Variants in RARG observed in about 807,000 individuals in gnomAD.
The protein encoded by RARG is retinoic acid receptor gamma, also known as RAR-gamma.
In RARG, 17 loss-of-function variants were observed where a neutral mutation model predicts 43.7. The observed-to-expected ratio is 0.39, with a 90% CI of 0.27 to 0.58. RARG has a LOEUF of 0.58. Among genes scored for constraint, RARG ranks in the 20% least tolerant of loss-of-function variants. RARG has a pLI of 0.57. For synonymous variants in RARG, 238 were observed against 236.4 expected (o/e 1.01, Z -0.06); for missense variants, 346 against 598.7 (o/e 0.58, Z 4.40).
In RARG at chr12:53,232,074, G is replaced by T. The variant is rs969700835; in HGVS notation, c.-310C>A. On this transcript the variant is annotated 5_prime_UTR_variant, in exon 1 of 10. Transcript: ENST00000425354. The stretch of plus-strand genomic sequence containing the variant: ...CAATGTCCGGGGCTCGCCGTACTGG[G>T]GGGCTCCTGGGGGGGCACGGCTCTA... The T allele has an allele frequency of 7.5e-6, 3 of 398,464 alleles. No homozygotes were observed. The highest frequency in any genetic ancestry group is 8.8e-6 in the Non-Finnish European group (2 of 226,048). 24.7% of individuals were successfully genotyped at this position (398,464 alleles called of 1,614,324 possible). A position where few individuals can be genotyped will look rare whatever the true frequency, so the allele number is the denominator to read the frequency against.
chr12:53,229,577 AG>A (rs1273658687), intron 2 of RARG, among the ~76,000 whole-genome samples: 2 of 152,154 alleles, frequency 1.3e-5, no homozygotes, highest in Non-Finnish European at 2.9e-5. Context: ...CCAAGCCTCC[AG>A]GGTCCCTCTC....
chr12:53,231,713 CA>C (rs1943239725), intron 1 of RARG, among the ~76,000 whole-genome samples: 1 of 152,244 alleles, frequency 6.6e-6, no homozygotes, highest in Non-Finnish European at 1.5e-5. Context: ...AAGACTTCCC[CA>C]AATGCTGTCC....
intron 3 of RARG, among the ~76,000 whole-genome samples, chr12:53,217,037 C>T (rs2120646239): frequency 6.6e-6 from 1 of 152,226 alleles, no homozygotes; most frequent in East Asian, 1.9e-4. Context: ...TGCAGCCCAC[C>T]TGGTCAGAAG....
At chr12:53,217,336 C>T (rs1467112497) in intron 3 of RARG, among the ~76,000 whole-genome samples, 1 of 152,190 alleles carries the variant, frequency 6.6e-6, no homozygotes, top group Non-Finnish European at 1.5e-5. Context: ...CTCCTCACTC[C>T]TCAGACCCAC....
Position 53,211,582 on chromosome 12 carries a change from G to A in RARG, c.*94C>T, listed in dbSNP as rs1193566706. 13 of 1,192,808 alleles carry A rather than the reference G, an allele frequency of 1.1e-5. No individual in the cohort carries two copies. Among genetic ancestry groups the A allele is most frequent in the Middle Eastern group, 2.9e-4 (1 of 3,420 alleles). 73.9% of individuals were successfully genotyped at this position (1,192,808 alleles called of 1,614,324 possible). On this transcript the variant is annotated 3_prime_UTR_variant, in exon 10 of 10. Transcript: ENST00000425354. The surrounding 1 kb of genome is among the most constrained non-coding windows in gnomAD (Gnocchi z 4.6). ...CATTGGAAGGGGTGGGGAGAGGGCA[G>A]AGCAGGTCCTCCCCCAGTCACTGGC...
chr12:53,228,837 G>A (rs11170487), intron 2 of RARG, among the ~76,000 whole-genome samples: 1 of 152,320 alleles, frequency 6.6e-6, no homozygotes, highest in Admixed American at 6.5e-5. Flanking sequence ...GCCTCTCAAA[G>A]TGCTGGGATT....
chr12:53,226,930 ACAGAG>A (rs1448337088), intron 3 of RARG, among the ~76,000 whole-genome samples: 1 of 152,052 alleles, frequency 6.6e-6, no homozygotes, highest in East Asian at 1.9e-4. Flanking sequence ...CCTCTTGATC[ACAGAG>A]CCAGGTGACT....
chr12:53,229,378 ACCTTGG>A (rs1474317825), intron 2 of RARG, among the ~76,000 whole-genome samples: 2 of 151,758 alleles, frequency 1.3e-5, no homozygotes, highest in African/African-American at 2.4e-5. Context: ...TCTCTCCTCT[ACCTTGG>A]CCTTCAAGCC....
Position 53,213,946 on chromosome 12 carries a change from C to T in RARG, c.813+113G>A. 2.3e-6 allele frequency: 3 copies of T among 1,293,276 alleles called. No homozygotes were observed. The highest frequency in any genetic ancestry group is 3.2e-6 in the Non-Finnish European group (3 of 927,066). The allele number at this position is 1,293,276 out of a possible 1,614,324, so 80.1% of individuals were successfully genotyped here. ...TAAGACGAAAAGAGAGCTGAGGAGTCCCACATGTGTGGCAGGGGGTGCAGG... is the reference window on the plus strand; with the variant it reads ...TAAGACGAAAAGAGAGCTGAGGAGTTCCACATGTGTGGCAGGGGGTGCAGG... On this transcript the variant is annotated intron_variant, in intron 7 of 9. Transcript: ENST00000425354. The surrounding 1 kb of genome is among the most constrained non-coding windows in gnomAD (Gnocchi z 4.7).
intron 3 of RARG, among the ~76,000 whole-genome samples, chr12:53,223,883 G>A (rs555493867): frequency 6.6e-6 from 1 of 152,266 alleles, no homozygotes; most frequent in South Asian, 2.1e-4. Flanking sequence ...TTGCCCCAGG[G>A]ACAGTGGCCC....
chr12:53,230,834 TGC>T (rs1340407332), intron 2 of RARG, among the ~76,000 whole-genome samples: 37 of 128,214 alleles, frequency 2.9e-4, no homozygotes, highest in Non-Finnish European at 4.6e-4. Context: ...TAGGCCACAG[TGC>T]GTGTGTGTGT....
chr12:53,216,755 A>G (rs1195646430), intron 3 of RARG, among the ~76,000 whole-genome samples: 1 of 151,972 alleles, frequency 6.6e-6, no homozygotes, highest in Non-Finnish European at 1.5e-5. Context: ...ATTGCAGCTC[A>G]AAAGGGGTCT....
At chr12:53,223,066 G>T in intron 3 of RARG, among the ~76,000 whole-genome samples, 1 of 152,060 alleles carries the variant, frequency 6.6e-6, no homozygotes, top group Non-Finnish European at 1.5e-5. Context: ...ATTCTTTCGG[G>T]GTCACCCCTT....
Position 53,227,808 on chromosome 12 carries a change from G to T in RARG, c.-142-121C>A. The T allele has an allele frequency of 5.5e-6, 4 of 725,474 alleles. No individual in the cohort carries two copies. The highest frequency in any genetic ancestry group is 7.5e-6 in the Non-Finnish European group (4 of 532,916). 44.9% of individuals were successfully genotyped at this position (725,474 alleles called of 1,614,324 possible). On this transcript the variant is annotated intron_variant, in intron 2 of 9. Coordinates refer to ENST00000425354, the MANE Select transcript of RARG (RefSeq NM_000966.6). This position sits in a 1 kb window ranked among gnomAD's most constrained non-coding sequence, Gnocchi z 4.3. ...TGCTGCTACAGTTTATCCTGCCCTGGCTCAGGGCCCTTGCAGTGTGGTAGA... is the reference window on the plus strand; with the variant it reads ...TGCTGCTACAGTTTATCCTGCCCTGTCTCAGGGCCCTTGCAGTGTGGTAGA...
At chr12:53,221,225 C>T (rs903984748) in intron 3 of RARG, among the ~76,000 whole-genome samples, 20 of 151,744 alleles carry the variant, frequency 1.3e-4, no homozygotes, top group Admixed American at 4.6e-4. Flanking sequence ...CCCTCCGCCG[C>T]GGCCCGGGCC....
chr12:53,211,946 G>GC lies in RARG; in HGVS notation c.1178-84dup. 2 of 1,151,010 alleles carry GC rather than the reference G, an allele frequency of 1.7e-6. No individual in the cohort carries two copies. Among genetic ancestry groups the GC allele is most frequent in the Non-Finnish European group, 2.3e-6 (2 of 877,000 alleles). The allele number at this position is 1,151,010 out of a possible 1,614,324, so 71.3% of individuals were successfully genotyped here. A position where few individuals can be genotyped will look rare whatever the true frequency, so the allele number is the denominator to read the frequency against. On this transcript the variant is annotated intron_variant, in intron 9 of 9. Coordinates refer to ENST00000425354, the MANE Select transcript of RARG (RefSeq NM_000966.6). This position sits in a 1 kb window ranked among gnomAD's most constrained non-coding sequence, Gnocchi z 4.6. ...GCCATCTCCCTAACCTTTCTCAACT[G>GC]CCCCTGACTCCCCTAGGGGGCGCCC... is the stretch of plus-strand genomic sequence containing the variant.
rs567538150 is a variant in RARG, at chr12:53,214,575, T to C, written c.507A>G (p.Lys169=). 2.9e-5 allele frequency: 46 copies of C among 1,609,354 alleles called. No homozygotes were observed. The highest frequency in any genetic ancestry group is 1.6e-4 in the Middle Eastern group (1 of 6,066). Residue 169 remains lysine (K), a synonymous_variant, in exon 6 of 10, where the codon AAA becomes AAG. Transcript: ENST00000425354. Reference sequence around the variant, plus strand: ...CAGGTGACCCTTCTTCCTTCACCTCTTTCTTCTTCTTGTTCCGGTCATTTC... The same window carrying C: ...CAGGTGACCCTTCTTCCTTCACCTCCTTCTTCTTCTTGTTCCGGTCATTTC... The part of the protein sequence containing the change: ...AVRNDRNKKK[K]EVKEEGSPDS...
intron 3 of RARG, among the ~76,000 whole-genome samples, chr12:53,223,497 C>CG (rs1943030398): frequency 6.7e-6 from 1 of 150,332 alleles, no homozygotes; most frequent in East Asian, 2.0e-4. Context: ...TGGGCCCTGG[C>CG]GGCGGCGGCT....
At chr12:53,226,502 A>C (rs1943109598) in intron 3 of RARG, among the ~76,000 whole-genome samples, 1 of 151,766 alleles carries the variant, frequency 6.6e-6, no homozygotes, top group Non-Finnish European at 1.5e-5. Flanking sequence ...TAATTTTTGT[A>C]ATTTTAAAGA....
Sources: allele counts gnomAD v4.1 joint callset (sites outside exome capture counted in the v4.1 genomes callset), GRCh38; gene constraint gnomAD v4.1.1; non-coding constraint Gnocchi (gnomAD v3.1); transcripts MANE v1.5; gene names NCBI Gene and HGNC (gene_info 2026-07-23, HGNC 2026-07-21).